MPP7: variants seen among roughly 807,000 people sequenced by gnomAD.
MPP7 encodes MAGUK p55 scaffold protein 7, also known as MAGUK p55 subfamily member 7.
Under a neutral mutation model 76.5 loss-of-function variants are expected in MPP7, and 60 were observed. The ratio of observed to expected loss-of-function variants is 0.78; its 90% CI spans 0.64 to 0.97. MPP7 has a LOEUF of 0.97. Among genes scored for constraint, MPP7 ranks in the 50% least tolerant of loss-of-function variants. The pLI is 0.00. For missense variants in MPP7, 641 were observed against 694.0 expected, an observed-to-expected ratio of 0.92 and a Z score of 0.86; for synonymous variants, 237 against 244.5, an observed-to-expected ratio of 0.97 and a Z score of 0.29.
At chr10:28,180,188 G>A (rs1270152969) in intron 3 of MPP7, among the ~76,000 whole-genome samples, 1 of 152,120 alleles carries the variant, frequency 6.6e-6, no homozygotes, top group African/African-American at 2.4e-5. Flanking sequence ...AATGAAACAG[G>A]GGACTCTAAG....
chr10:28,069,615 CA>C lies in MPP7; in HGVS notation c.1204+156del, dbSNP rs750224000. On this transcript the variant is annotated intron_variant, in intron 13 of 16. Transcript: ENST00000683449. ...GAGACTCCATCTCAAAAAAACAAAA[CA>C]AACAAAAAAAAAACTCACATGCCCC... is the stretch of plus-strand genomic sequence containing the variant. Among the ~76,000 whole-genome samples, 110 of 96,176 alleles carry C rather than the reference CA, an allele frequency of 1.1e-3. 1 individual carries two copies. In the East Asian group the frequency reaches 0.13, roughly 111 times the overall value. 63.1% of individuals were successfully genotyped at this position (96,176 alleles called of 152,430 possible). A position where few individuals can be genotyped will look rare whatever the true frequency, so the allele number is the denominator to read the frequency against.
At chr10:28,100,629 T>C (rs1018934853) in intron 11 of MPP7, among the ~76,000 whole-genome samples, 1 of 152,158 alleles carries the variant, frequency 6.6e-6, no homozygotes, top group African/African-American at 2.4e-5. Context: ...AGAAAATTCA[T>C]CTCTGCAATG....
At chr10:28,059,141 T>G (rs1241959332) in intron 14 of MPP7, among the ~76,000 whole-genome samples, 1 of 152,190 alleles carries the variant, frequency 6.6e-6, no homozygotes, top group Non-Finnish European at 1.5e-5. Flanking sequence ...CTAAAATATT[T>G]GTGCCTCAGC....
In MPP7 at chr10:28,083,416, C is replaced by T. The variant is rs186807135; in HGVS notation, c.1123+6255G>A. ...AATGACACCAGGGGGCTGAAATTTC[C>T]AAGCCTCCAGCTGTACAGGCATTCT... On this transcript the variant is annotated intron_variant, in intron 12 of 16. Transcript: ENST00000683449. Among the ~76,000 whole-genome samples the T allele has an allele frequency of 3.3e-5, 5 of 152,222 alleles. No homozygotes were observed. In the East Asian group the frequency reaches 9.6e-4, roughly 29 times the overall value.
intron 1 of MPP7, among the ~76,000 whole-genome samples, chr10:28,260,336 TA>T (rs1468439014): frequency 6.6e-6 from 1 of 152,186 alleles, no homozygotes; most frequent in Non-Finnish European, 1.5e-5. Flanking sequence ...ATGTATGCAT[TA>T]GTTAATGATC....
intron 3 of MPP7, among the ~76,000 whole-genome samples, chr10:28,182,654 T>C (rs1837095276): frequency 6.6e-6 from 1 of 152,208 alleles, no homozygotes; most frequent in African/African-American, 2.4e-5. Flanking sequence ...AATACAAATA[T>C]TCATCAACAT....
chr10:28,117,794 C>T (rs1023471058), intron 11 of MPP7, among the ~76,000 whole-genome samples: 1 of 151,966 alleles, frequency 6.6e-6, no homozygotes, highest in Admixed American at 6.6e-5. Context: ...TATTGTCTCT[C>T]TGAACAAGTC....
chr10:28,060,490 G>C (rs6481498), intron 13 of MPP7, among the ~76,000 whole-genome samples: 2 of 152,104 alleles, frequency 1.3e-5, no homozygotes, highest in African/African-American at 4.8e-5. Flanking sequence ...GAAACTACCC[G>C]AACACTTTGA....
intron 2 of MPP7, among the ~76,000 whole-genome samples, chr10:28,227,020 G>A (rs1464228673): frequency 2.6e-5 from 4 of 152,160 alleles, no homozygotes; most frequent in South Asian, 2.1e-4. Flanking sequence ...CTCTCTGCAC[G>A]CAGGAGAAAC....
At chr10:28,060,705 A>C (rs1343982092) in intron 13 of MPP7, among the ~76,000 whole-genome samples, 1 of 152,200 alleles carries the variant, frequency 6.6e-6, no homozygotes, top group African/African-American at 2.4e-5. Flanking sequence ...TGTGGGCTGT[A>C]AAGTGTGGAG....
chr10:28,084,576 T>A (rs943782162), intron 12 of MPP7, among the ~76,000 whole-genome samples: 3 of 152,116 alleles, frequency 2.0e-5, no homozygotes, highest in African/African-American at 7.2e-5. Flanking sequence ...TGGAATAGGG[T>A]CTGGAGGTCA....
chr10:28,115,683 C>T (rs868841314), intron 11 of MPP7, among the ~76,000 whole-genome samples: 3 of 152,120 alleles, frequency 2.0e-5, no homozygotes, highest in African/African-American at 4.8e-5. Flanking sequence ...ATACCGGTAC[C>T]GTGTGCAGTG....
At chr10:28,189,567 T>C (rs1419343352) in intron 3 of MPP7, among the ~76,000 whole-genome samples, 1 of 58,718 alleles carries the variant, frequency 1.7e-5, no homozygotes, top group Non-Finnish European at 2.8e-5. Flanking sequence ...CAAGACCCTG[T>C]CTCAAAAAAA....
chr10:28,285,639 A>G (rs1840773271), intron 1 of MPP7, among the ~76,000 whole-genome samples: 1 of 152,234 alleles, frequency 6.6e-6, no homozygotes, highest in Non-Finnish European at 1.5e-5. Flanking sequence ...ATGGTTATCA[A>G]TGGTCATGAA....
chr10:28,275,747 T>C (rs940094059), intron 1 of MPP7, among the ~76,000 whole-genome samples: 8 of 151,816 alleles, frequency 5.3e-5, no homozygotes, highest in Non-Finnish European at 1.0e-4. Flanking sequence ...TCCCTACATC[T>C]GCATTACCAC....
At chr10:28,207,649 A>C (rs1307992462) in intron 2 of MPP7, among the ~76,000 whole-genome samples, 1 of 151,866 alleles carries the variant, frequency 6.6e-6, no homozygotes, top group Non-Finnish European at 1.5e-5. Flanking sequence ...CTATAATCAC[A>C]TCACTTTACT....
Position 28,120,319 on chromosome 10 carries a change from A to T in MPP7, c.762T>A (p.Leu254=). 1 of 1,614,064 alleles carries T rather than the reference A, an allele frequency of 6.2e-7. No individual in the cohort carries two copies. The highest frequency in any genetic ancestry group is 8.5e-7 in the Non-Finnish European group (1 of 1,179,960). The change falls in exon 10 of 17, where the codon CTT becomes CTA. Residue 254 remains leucine, a synonymous_variant. Transcript: ENST00000683449. The part of the protein sequence containing the change: ...DKAIPCKEAG[L]SFKKGDILQI... ...GAAGAATATCTCCCTTTTTGAAAGA[A>T]AGCCCAGCTTCCTTACATGGAATTG... is the stretch of plus-strand genomic sequence containing the variant.
In MPP7 at chr10:28,273,515, AC is replaced by A. The variant is rs200608730; in HGVS notation, c.-132+29345del. Reference sequence around the variant, plus strand: ...GCAATTGCTCGGCGTAGCCTCTCCTACAGAAGAGTTACCTCAATGAACTGAG... The same window carrying A: ...GCAATTGCTCGGCGTAGCCTCTCCTAAGAAGAGTTACCTCAATGAACTGAG... On this transcript the variant is annotated intron_variant, in intron 1 of 16. Transcript: ENST00000683449. Among the ~76,000 whole-genome samples, 824 of 152,336 alleles carry A rather than the reference AC, an allele frequency of 5.4e-3. 8 individuals are homozygous for A. Among genetic ancestry groups the A allele is most frequent in the African/African-American group, 0.018 (757 of 41,568 alleles).
chr10:28,192,936 A>C (rs1467484896), intron 3 of MPP7, among the ~76,000 whole-genome samples: 1 of 152,238 alleles, frequency 6.6e-6, no homozygotes, highest in Non-Finnish European at 1.5e-5. Flanking sequence ...ATAATGGAAC[A>C]CAATTACCCA....
Sources: allele counts gnomAD v4.1 joint callset (sites outside exome capture counted in the v4.1 genomes callset), GRCh38; gene constraint gnomAD v4.1.1; transcripts MANE v1.5; gene names NCBI Gene and HGNC (gene_info 2026-07-23, HGNC 2026-07-21).